The following PACSIN2 variants were observed in gnomAD, a reference collection of about 807,000 sequenced individuals.
PACSIN2 encodes protein kinase C and casein kinase substrate in neurons protein 2.
A neutral mutation model predicts 63.8 loss-of-function variants in PACSIN2; 25 were observed. That is an observed-to-expected ratio of 0.39 (90% confidence interval 0.29 to 0.55). PACSIN2 has a LOEUF of 0.55. Ranked by LOEUF, PACSIN2 falls within the 20% of genes least tolerant of loss-of-function variation. The pLI is 0.62. For synonymous variants in PACSIN2, 255 were observed against 256.2 expected (o/e 1.00, Z 0.05); for missense variants, 518 against 646.9 (o/e 0.80, Z 2.16).
chr22:42,998,464 A>G (rs552334426), intron 1 of PACSIN2, among the ~76,000 whole-genome samples: 67 of 152,356 alleles, frequency 4.4e-4, no homozygotes, highest in Admixed American at 4.2e-3. Context: ...CAGAGCAAGA[A>G]AAGGGCAACA....
chr22:42,974,785 G>GA (rs1921575470), intron 1 of PACSIN2, among the ~76,000 whole-genome samples: 1 of 145,966 alleles, frequency 6.9e-6, no homozygotes, highest in Non-Finnish European at 1.5e-5. Context: ...AGAGAAGAAG[G>GA]AGGAGGAGGA....
At chr22:42,875,134 G>A (rs1186834085) in intron 10 of PACSIN2, among the ~76,000 whole-genome samples, 1 of 149,258 alleles carries the variant, frequency 6.7e-6, no homozygotes, top group East Asian at 1.9e-4. Flanking sequence ...ACAGGCGTGA[G>A]CCACCATGCC....
At chr22:42,892,650 C>T (rs898237002) in intron 3 of PACSIN2, among the ~76,000 whole-genome samples, 1 of 152,196 alleles carries the variant, frequency 6.6e-6, no homozygotes, top group Non-Finnish European at 1.5e-5. Context: ...GGGCACATAC[C>T]CTGCCCTAAG....
At chr22:42,917,059 C>G (rs530322225) in intron 1 of PACSIN2, among the ~76,000 whole-genome samples, 93 of 152,226 alleles carry the variant, frequency 6.1e-4, no homozygotes, top group Non-Finnish European at 1.2e-3. Context: ...CCTATGGCGA[C>G]TCCTCATGTG....
rs1306169723 is a variant in PACSIN2, at chr22:42,874,889, C to T, written c.1348+1248G>A. Among the ~76,000 whole-genome samples, 5 of 146,320 alleles carry T rather than the reference C, an allele frequency of 3.4e-5. 1 individual carries two copies. The highest frequency in any genetic ancestry group is 1.0e-4 in the African/African-American group (4 of 38,926). The stretch of plus-strand genomic sequence containing the variant: ...TTTTTGAAAAAGAGTTTTGCTCTGT[C>T]GCCCAGGCTGGAGTGCAGTGGCGCA... On this transcript the variant is annotated intron_variant, in intron 10 of 10. Transcript: ENST00000263246.
intron 1 of PACSIN2, among the ~76,000 whole-genome samples, chr22:42,996,206 C>T (rs368786654): frequency 6.8e-6 from 1 of 147,702 alleles, no homozygotes; most frequent in East Asian, 2.0e-4. Flanking sequence ...GGCGACAGAG[C>T]GAGACTCCGT....
intron 1 of PACSIN2, among the ~76,000 whole-genome samples, chr22:42,922,333 A>G (rs1601524460): frequency 6.6e-6 from 1 of 152,184 alleles, no homozygotes; most frequent in Admixed American, 6.5e-5. Context: ...TAACACCCTT[A>G]ATTTATTCCA....
intron 1 of PACSIN2, among the ~76,000 whole-genome samples, chr22:42,915,350 C>T (rs1931741720): frequency 6.6e-6 from 1 of 152,172 alleles, no homozygotes; most frequent in African/African-American, 2.4e-5. Flanking sequence ...GAGCAACCAG[C>T]AAGGGGAAGG....
chr22:42,876,758 A>T, intron 9 of PACSIN2, 130 bp downstream of exon 9: 1 of 1,214,548 alleles, frequency 8.2e-7, no homozygotes, highest in South Asian at 1.4e-5. Flanking sequence ...AGGGTGCGGC[A>T]CGCCAGGTGC....
At chr22:42,890,657 G>A (rs150273590) in intron 4 of PACSIN2, among the ~76,000 whole-genome samples, 196 of 152,374 alleles carry the variant, frequency 1.3e-3, no homozygotes, top group African/African-American at 4.6e-3. Context: ...ACAGGTTGCA[G>A]TGAGCTGAGA....
intron 1 of PACSIN2, among the ~76,000 whole-genome samples, chr22:42,974,115 C>A: frequency 6.6e-6 from 1 of 152,178 alleles, no homozygotes; most frequent in East Asian, 1.9e-4. Flanking sequence ...GGCCTGGTGC[C>A]TGGCAGCTCA....
chr22:42,910,212 G>C (rs1303476703), intron 2 of PACSIN2, among the ~76,000 whole-genome samples: 2 of 152,182 alleles, frequency 1.3e-5, no homozygotes, highest in Non-Finnish European at 2.9e-5. Context: ...CCTTTTGAGT[G>C]TGCTTGTCCT....
chr22:42,953,268 A>G (rs1299076339), intron 1 of PACSIN2, among the ~76,000 whole-genome samples: 1 of 152,184 alleles, frequency 6.6e-6, no homozygotes, highest in Non-Finnish European at 1.5e-5. Flanking sequence ...CTAAAGGAGC[A>G]GGCTGAGAAT....
chr22:42,902,432 C>T (rs913982594), intron 2 of PACSIN2, among the ~76,000 whole-genome samples: 1 of 152,174 alleles, frequency 6.6e-6, no homozygotes, highest in Non-Finnish European at 1.5e-5. Context: ...ACTACTATGC[C>T]TCTATATGTC....
At chr22:42,952,813 C>T (rs1415825491) in intron 1 of PACSIN2, among the ~76,000 whole-genome samples, 1 of 151,962 alleles carries the variant, frequency 6.6e-6, no homozygotes, top group Non-Finnish European at 1.5e-5. Flanking sequence ...CAGGTGTGTG[C>T]CACCAGGCCC....
In PACSIN2 at chr22:42,961,419, C is replaced by T. The variant is rs2146850830; in HGVS notation, c.-77-49262G>A. Among the ~76,000 whole-genome samples the T allele has an allele frequency of 2.1e-5, 3 of 143,154 alleles. No homozygotes were observed. The South Asian group carries it at 6.6e-4, about 31-fold the overall frequency. The allele number at this position is 143,154 out of a possible 152,430, so 93.9% of individuals were successfully genotyped here. A position where few individuals can be genotyped will look rare whatever the true frequency, so the allele number is the denominator to read the frequency against. On this transcript the variant is annotated intron_variant, in intron 1 of 10. Transcript: ENST00000263246. The stretch of plus-strand genomic sequence containing the variant: ...TCCTATGACCCTGCCAAATCCCCCT[C>T]TGTGAGAAACACCCAAGAATGATCA...
intron 1 of PACSIN2, among the ~76,000 whole-genome samples, chr22:43,009,771 T>G (rs769180117): frequency 1.3e-5 from 2 of 152,174 alleles, no homozygotes; most frequent in Non-Finnish European, 2.9e-5. Context: ...ACACATGCAC[T>G]TTCCAAAGGT....
intron 1 of PACSIN2, among the ~76,000 whole-genome samples, chr22:42,913,097 G>A (rs919725719): frequency 3.9e-5 from 6 of 152,182 alleles, no homozygotes; most frequent in African/African-American, 7.2e-5. Flanking sequence ...AGACTACCTA[G>A]GCTTAAATCC....
At chr22:42,913,255 G>A (rs1352131516) in intron 1 of PACSIN2, among the ~76,000 whole-genome samples, 10 of 152,104 alleles carry the variant, frequency 6.6e-5, no homozygotes, top group South Asian at 2.1e-4. Flanking sequence ...CAAGGCGGGC[G>A]GATCACCTGA....
Sources: gnomAD v4.1 joint callset for allele counts (sites outside exome capture counted in the v4.1 genomes callset) on GRCh38, gnomAD v4.1.1 for gene constraint, MANE v1.5 for transcripts, NCBI Gene and HGNC (gene_info 2026-07-23, HGNC 2026-07-21) for gene names.